Variants in FXR1 observed in about 807,000 individuals in gnomAD.
FXR1 encodes the protein FMR1 autosomal homolog 1, also known as RNA-binding protein FXR1.
A neutral mutation model predicts 84.0 loss-of-function variants in FXR1; 15 were observed. The observed-to-expected ratio is 0.18, with a 90% CI of 0.12 to 0.27. The LOEUF is 0.27. Among genes scored for constraint, FXR1 ranks in the 10% least tolerant of loss-of-function variants. FXR1 has a pLI of 1.00. For missense variants in FXR1, 480 were observed against 774.4 expected, an observed-to-expected ratio of 0.62 and a Z score of 4.51; for synonymous variants, 245 against 250.7, an observed-to-expected ratio of 0.98 and a Z score of 0.21.
intron 1 of FXR1, among the ~76,000 whole-genome samples, chr3:180,926,500 A>ATTTTTTTT (rs1261585777): frequency 1.9e-5 from 1 of 51,866 alleles, no homozygotes; most frequent in Admixed American, 1.8e-4. Context: ...ATATATATAT[A>ATTTTTTTT]TATATATTTT....
At chr3:180,948,141 G>T in intron 4 of FXR1, 1 of 612,176 alleles carries the variant, frequency 1.6e-6, no homozygotes, top group Non-Finnish European at 2.9e-6. Context: ...TACACCTCAA[G>T]CATGTAAGGA....
rs994647385 is a variant in FXR1 at position 180,979,435 on chromosome 3, CAAAG to C, written c.*3147_*3150del. The C allele has an allele frequency of 8.5e-5, 13 of 152,094 alleles. No homozygotes were observed. Among genetic ancestry groups the C allele is most frequent in the Admixed American group, 3.3e-4 (5 of 15,260 alleles). 9.4% of individuals were successfully genotyped at this position (152,094 alleles called of 1,614,324 possible). ...AATCTACTGTTTTGGCAAAAAATCTCAAAGAAAAGGATGTTTGTTACTGTCTCAG... is the reference window on the plus strand; with the variant it reads ...AATCTACTGTTTTGGCAAAAAATCTCAAAAGGATGTTTGTTACTGTCTCAG... On this transcript the variant is annotated 3_prime_UTR_variant, in exon 17 of 17. Transcript: ENST00000357559.
intron 5 of FXR1, 34 bp from the exon 6 acceptor site, chr3:180,948,687 T>C (rs751594894): frequency 6.0e-5 from 69 of 1,147,400 alleles, no homozygotes; most frequent in South Asian, 5.0e-4. Flanking sequence ...TAATCTGTTA[T>C]TGAGTTCTTA....
At chr3:180,950,829 C>T (rs1165897787) in intron 7 of FXR1, among the ~76,000 whole-genome samples, 1 of 152,160 alleles carries the variant, frequency 6.6e-6, no homozygotes, top group Non-Finnish European at 1.5e-5. Flanking sequence ...GTATATACCA[C>T]ATTATGTTCA....
chr3:180,948,094 T>A, intron 4 of FXR1, 158 bp downstream of exon 4: 1 of 616,104 alleles, frequency 1.6e-6, no homozygotes, highest in Non-Finnish European at 2.9e-6. Context: ...TCTGTTTGTG[T>A]TCTGTATTGG....
rs1714565696 is a variant in FXR1 at position 180,980,639 on chromosome 3, C to T, written c.*4347C>T. The T allele has an allele frequency of 6.6e-6, 1 of 151,968 alleles. No homozygotes were observed. 9.4% of individuals were successfully genotyped at this position (151,968 alleles called of 1,614,324 possible). On this transcript the variant is annotated 3_prime_UTR_variant, in exon 17 of 17. Transcript: ENST00000357559. ...AAACATATATTTGAAATTTCATTAA[C>T]TGAAACTGCTGTAAGGTGTTAGCAA...
At chr3:180,949,116 A>C in intron 6 of FXR1, 111 bp from the exon 7 acceptor site, 2 of 744,410 alleles carry the variant, frequency 2.7e-6, no homozygotes, top group Non-Finnish European at 4.9e-6. Context: ...GTTAGGTGAA[A>C]GAAGTGTAGT....
At chr3:180,967,107 G>C (rs1712932691) in intron 13 of FXR1, among the ~76,000 whole-genome samples, 9 of 152,172 alleles carry the variant, frequency 5.9e-5, no homozygotes, top group Admixed American at 5.9e-4. Flanking sequence ...GAGACCTTCT[G>C]TTTCAGAGAA....
intron 1 of FXR1, among the ~76,000 whole-genome samples, chr3:180,926,506 A>ATATATATATATAT (rs72192827): frequency 1.8e-4 from 22 of 124,366 alleles, no homozygotes; most frequent in Non-Finnish European, 3.3e-4. Flanking sequence ...ATATATATAT[A>ATATATATATATAT]TTTTTTTTTC....
intron 3 of FXR1, among the ~76,000 whole-genome samples, chr3:180,941,830 A>G (rs963961673): frequency 2.0e-5 from 3 of 152,218 alleles, no homozygotes; most frequent in Non-Finnish European, 2.9e-5. Context: ...GAAATCATAC[A>G]TGTTCATTCC....
chr3:180,955,316 TCTC>T (rs1461220322), intron 9 of FXR1, among the ~76,000 whole-genome samples: 5 of 152,028 alleles, frequency 3.3e-5, no homozygotes, highest in Admixed American at 6.6e-5. Context: ...GCCTTTCAAT[TCTC>T]CTCAAACATT....
At chr3:180,966,943 T>C (rs1483412053) in intron 13 of FXR1, among the ~76,000 whole-genome samples, 1 of 152,184 alleles carries the variant, frequency 6.6e-6, no homozygotes, top group Non-Finnish European at 1.5e-5. Context: ...ATAATGATAA[T>C]GTAGGCCTCT....
rs1713343866 is a variant in FXR1, at chr3:180,970,116, G to A, written c.1403-42G>A. 5.9e-6 allele frequency: 6 copies of A among 1,024,190 alleles called. No homozygotes were observed. The East Asian group carries it at 9.5e-5, about 16-fold the overall frequency. The allele number at this position is 1,024,190 out of a possible 1,614,324, so 63.4% of individuals were successfully genotyped here. A position where few individuals can be genotyped will look rare whatever the true frequency, so the allele number is the denominator to read the frequency against. ...TATAGATCAAACATTCATAATTGCA[G>A]TACTCTTAAACGAATATTTCTTGCC... is the stretch of plus-strand genomic sequence containing the variant. On this transcript the variant is annotated intron_variant, in intron 14 of 16. Transcript: ENST00000357559.
At chr3:180,936,395 G>A (rs1428142737) in intron 3 of FXR1, among the ~76,000 whole-genome samples, 4 of 152,118 alleles carry the variant, frequency 2.6e-5, no homozygotes, top group South Asian at 4.1e-4. Flanking sequence ...AGCCTTCTGA[G>A]TATCTGGGAT....
chr3:180,935,311 G>A, intron 3 of FXR1, 80 bp downstream of exon 3: 1 of 683,906 alleles, frequency 1.5e-6, no homozygotes, highest in Non-Finnish European at 2.6e-6. Flanking sequence ...TAGCTTAGTT[G>A]ATGGAGGATA....
intron 1 of FXR1, among the ~76,000 whole-genome samples, chr3:180,919,242 TA>T (rs200123786): frequency 2.0e-5 from 3 of 148,720 alleles, no homozygotes; most frequent in Non-Finnish European, 1.5e-5. Context: ...GCCTTAGAAT[TA>T]AAAAAAAATG....
At chr3:180,937,302 CTT>C (rs1720634282) in intron 3 of FXR1, among the ~76,000 whole-genome samples, 1 of 151,976 alleles carries the variant, frequency 6.6e-6, no homozygotes, top group Admixed American at 6.6e-5. Context: ...TGTTTAGACA[CTT>C]AAAATTGGTA....
rs34325096 is a variant in FXR1, at chr3:180,926,478, G to GTATATATA, written c.52-6834_52-6827dup. ...AATCTCTATTTAGGGGGATTGTACT[G>GTATATATA]TATATATATATATATATATATATAT... On this transcript the variant is annotated intron_variant, in intron 1 of 16. Coordinates refer to ENST00000357559, the MANE Select transcript of FXR1 (RefSeq NM_005087.4). Among the ~76,000 whole-genome samples, 338 of 75,298 alleles carry GTATATATA rather than the reference G, an allele frequency of 4.5e-3. 1 individual carries two copies. The highest frequency in any genetic ancestry group is 0.017 in the Middle Eastern group (2 of 120). 49.4% of individuals were successfully genotyped at this position (75,298 alleles called of 152,430 possible).
chr3:180,926,556 G>A (rs1388532095), intron 1 of FXR1, among the ~76,000 whole-genome samples: 8 of 140,086 alleles, frequency 5.7e-5, no homozygotes, highest in Admixed American at 5.0e-4. Flanking sequence ...AAGGCAGTTT[G>A]TTTTGCAATC....
Sources: allele counts gnomAD v4.1 joint callset (sites outside exome capture counted in the v4.1 genomes callset), GRCh38; gene constraint gnomAD v4.1.1; transcripts MANE v1.5; gene names NCBI Gene and HGNC (gene_info 2026-07-23, HGNC 2026-07-21).